The following AUTS2 variants were observed in gnomAD, a reference collection of about 807,000 sequenced individuals.
AUTS2 encodes autism susceptibility gene 2 protein.
In AUTS2, 17 loss-of-function variants were observed where a neutral mutation model predicts 112.4. That is an observed-to-expected ratio of 0.15 (90% confidence interval 0.10 to 0.23). AUTS2 has a LOEUF of 0.23. Ranked by LOEUF, AUTS2 falls within the 10% of genes least tolerant of loss-of-function variation. The pLI is 1.00. For missense variants in AUTS2, 1,510 were observed against 1,701.6 expected, an observed-to-expected ratio of 0.89 and a Z score of 1.98; for synonymous variants, 751 against 702.7, an observed-to-expected ratio of 1.07 and a Z score of -1.09.
chr7:70,342,556 T>C (rs954849255), intron 4 of AUTS2, among the ~76,000 whole-genome samples: 1 of 152,150 alleles, frequency 6.6e-6, no homozygotes, highest in Non-Finnish European at 1.5e-5. Context: ...ACTAGCGACA[T>C]GTGGCTGTTG....
At chr7:69,752,234 T>C (rs1416084681) in intron 1 of AUTS2, among the ~76,000 whole-genome samples, 4 of 152,224 alleles carry the variant, frequency 2.6e-5, no homozygotes, top group African/African-American at 7.2e-5. Flanking sequence ...CCTTGCTCTC[T>C]GCAGAGGTGT....
chr7:69,912,747 G>GTGTCTT (rs1795413998), intron 2 of AUTS2, among the ~76,000 whole-genome samples: 1 of 152,040 alleles, frequency 6.6e-6, no homozygotes, highest in Non-Finnish European at 1.5e-5. Flanking sequence ...CTTCCACCCA[G>GTGTCTT]TGTCTTTTGC....
chr7:69,731,772 C>T (rs533130510), intron 1 of AUTS2, among the ~76,000 whole-genome samples: 1 of 152,208 alleles, frequency 6.6e-6, no homozygotes, highest in Admixed American at 6.5e-5. Context: ...TCTAAAACTG[C>T]GTGAACACAA....
At chr7:70,123,028 A>G in intron 3 of AUTS2, among the ~76,000 whole-genome samples, 1 of 152,040 alleles carries the variant, frequency 6.6e-6, no homozygotes. Flanking sequence ...GGCGCTTGCC[A>G]CCACGCCCAG....
At chr7:69,999,136 C>A (rs1377611424) in intron 2 of AUTS2, among the ~76,000 whole-genome samples, 3 of 152,084 alleles carry the variant, frequency 2.0e-5, no homozygotes, top group Non-Finnish European at 4.4e-5. Context: ...TATGTCATGG[C>A]ACTTGAAGGA....
intron 4 of AUTS2, among the ~76,000 whole-genome samples, chr7:70,257,797 A>T (rs901384143): frequency 6.6e-6 from 1 of 152,022 alleles, no homozygotes; most frequent in Non-Finnish European, 1.5e-5. Flanking sequence ...ACTACTCCTT[A>T]TGGGTAGATC....
chr7:70,149,183 A>G (rs1807293775), intron 4 of AUTS2, among the ~76,000 whole-genome samples: 1 of 152,068 alleles, frequency 6.6e-6, no homozygotes, highest in South Asian at 2.1e-4. Flanking sequence ...AGCATTTTAA[A>G]TTTTTTTAAG....
At chr7:70,189,688 C>T (rs1188339323) in intron 4 of AUTS2, among the ~76,000 whole-genome samples, 1 of 152,184 alleles carries the variant, frequency 6.6e-6, no homozygotes, top group African/African-American at 2.4e-5. Context: ...GTGCCTGGCA[C>T]TTAACAGTTG....
intron 6 of AUTS2, among the ~76,000 whole-genome samples, chr7:70,704,634 T>A (rs1356885532): frequency 6.6e-6 from 1 of 152,238 alleles, no homozygotes; most frequent in Admixed American, 6.5e-5. Context: ...GATAGACAAT[T>A]GGAATTGAAA....
At chr7:69,814,112 T>C (rs928724445) in intron 1 of AUTS2, among the ~76,000 whole-genome samples, 6 of 152,192 alleles carry the variant, frequency 3.9e-5, no homozygotes, top group African/African-American at 1.4e-4. Context: ...GAAAAACCCA[T>C]TGTAAATTTC....
chr7:69,733,459 C>T (rs1584154614), intron 1 of AUTS2, among the ~76,000 whole-genome samples: 1 of 152,116 alleles, frequency 6.6e-6, no homozygotes, highest in South Asian at 2.1e-4. Context: ...AGTGCCCCCT[C>T]AGACCATTGG....
rs377037889 is a variant in AUTS2 at position 70,579,428 on chromosome 7, G to A, written c.691-119141G>A. 3.3e-4 allele frequency among the ~76,000 whole-genome samples: 50 copies of A among 151,848 alleles called. 1 individual carries two copies. Among genetic ancestry groups the A allele is most frequent in the African/African-American group, 1.2e-3 (49 of 41,346 alleles). ...TAAGGACTTTTTTTCTTGAGACAAT[G>A]GGATTCTTTTTTCTAAGCAATTAAT... On this transcript the variant is annotated intron_variant, in intron 5 of 18. Transcript: ENST00000342771.
chr7:70,747,679 G>T (rs1788541941), intron 6 of AUTS2, among the ~76,000 whole-genome samples: 1 of 151,538 alleles, frequency 6.6e-6, no homozygotes, highest in Admixed American at 6.6e-5. Context: ...TAGAGATGGG[G>T]TTTCGCTGTA....
At chr7:69,605,452 T>C (rs927486934) in intron 1 of AUTS2, among the ~76,000 whole-genome samples, 4 of 152,200 alleles carry the variant, frequency 2.6e-5, no homozygotes, top group African/African-American at 9.7e-5. Flanking sequence ...CATTAATAGC[T>C]CTTTCAGTGT....
At chr7:70,408,759 T>C (rs1203425572) in intron 4 of AUTS2, among the ~76,000 whole-genome samples, 4 of 152,142 alleles carry the variant, frequency 2.6e-5, no homozygotes, top group African/African-American at 9.7e-5. Flanking sequence ...CTGTGTACTA[T>C]TGAGATAGGA....
At chr7:70,787,112 C>T in intron 17 of AUTS2, 97 bp from the exon 18 acceptor site, 4 of 1,082,132 alleles carry the variant, frequency 3.7e-6, no homozygotes, top group South Asian at 1.3e-5. Flanking sequence ...TTCATTTTAA[C>T]TCTGAATGCT....
rs1324767948 is a variant in AUTS2 at position 70,125,283 on chromosome 7, GTGTT to G, written c.624+7052_624+7055del. On this transcript the variant is annotated intron_variant, in intron 3 of 18. Transcript: ENST00000342771. ...TGTGTGTGTGTGTGTGTGTGTGTGTGTGTTTTTAATGTTTGCTTTTGTACTTTCT... is the reference window on the plus strand; with the variant it reads ...TGTGTGTGTGTGTGTGTGTGTGTGTGTTTAATGTTTGCTTTTGTACTTTCT... 1.0e-3 allele frequency among the ~76,000 whole-genome samples: 144 copies of G among 141,220 alleles called. 1 individual carries two copies. The highest frequency in any genetic ancestry group is 3.5e-3 in the African/African-American group (132 of 37,294). 92.6% of individuals were successfully genotyped at this position (141,220 alleles called of 152,430 possible). A position where few individuals can be genotyped will look rare whatever the true frequency, so the allele number is the denominator to read the frequency against.
At chr7:70,598,598 A>G (rs1409553970) in intron 5 of AUTS2, among the ~76,000 whole-genome samples, 4 of 152,102 alleles carry the variant, frequency 2.6e-5, no homozygotes, top group Non-Finnish European at 4.4e-5. Context: ...GATGAGGTTT[A>G]AAAAAAGAGG....
At chr7:70,020,840 G>C (rs775010064) in intron 2 of AUTS2, among the ~76,000 whole-genome samples, 2 of 151,874 alleles carry the variant, frequency 1.3e-5, no homozygotes, top group African/African-American at 4.8e-5. Context: ...AATTTTTTCA[G>C]TTTTATTTTT....
Sources: allele counts gnomAD v4.1 joint callset (sites outside exome capture counted in the v4.1 genomes callset), GRCh38; gene constraint gnomAD v4.1.1; transcripts MANE v1.5; gene names NCBI Gene and HGNC (gene_info 2026-07-23, HGNC 2026-07-21).